Variants in KCTD10 observed in about 807,000 individuals in gnomAD.
KCTD10 encodes the protein potassium channel tetramerization domain containing 10, also known as BTB/POZ domain-containing adapter for CUL3-mediated RhoA degradation protein 3.
KCTD10 carries 13 observed loss-of-function variants against 34.6 expected under a neutral mutation model. That is an observed-to-expected ratio of 0.38 (90% confidence interval 0.24 to 0.60). The LOEUF (loss-of-function observed/expected upper bound fraction) is 0.60, where lower values mean the gene tolerates loss of function less well. Among genes scored for constraint, KCTD10 ranks in the 20% least tolerant of loss-of-function variants. The pLI is 0.66. For synonymous variants in KCTD10, 156 were observed against 168.8 expected, an observed-to-expected ratio of 0.92 and a Z score of 0.59; for missense variants, 256 against 420.3, an observed-to-expected ratio of 0.61 and a Z score of 3.42.
chr12:109,469,821 T>C, intron 1 of KCTD10, 93 bp from the exon 2 acceptor site: 1 of 1,549,472 alleles, frequency 6.5e-7, no homozygotes, highest in South Asian at 1.2e-5. Flanking sequence ...GTGTTTTGCT[T>C]GGGCCACGCA....
Position 109,463,594 on chromosome 12 carries a change from C to T in KCTD10, c.218-2789G>A, listed in dbSNP as rs574292105. Among the ~76,000 whole-genome samples the T allele has an allele frequency of 3.9e-5, 6 of 152,268 alleles. No individual in the cohort carries two copies. The South Asian group carries it at 6.2e-4, about 16-fold the overall frequency. On this transcript the variant is annotated intron_variant, in intron 2 of 6. Transcript: ENST00000228495. ...AGTCAGGGCAGCCTGGGATCCCAGA[C>T]CCATTAGGCAAGGCTGGAGAGCAGA...
intron 6 of KCTD10, among the ~76,000 whole-genome samples, chr12:109,454,361 A>G (rs1872919329): frequency 6.6e-6 from 1 of 152,210 alleles, no homozygotes; most frequent in Non-Finnish European, 1.5e-5. Context: ...GACAAATACA[A>G]TAACCAACAA....
chr12:109,457,548 G>A (rs545012788), intron 5 of KCTD10, 82 bp downstream of exon 5: 118 of 1,186,442 alleles, frequency 9.9e-5, no homozygotes, highest in Non-Finnish European at 1.4e-4. Context: ...TCATCTGAAG[G>A]TACGAAGAAG....
chr12:109,460,885 G>T lies in KCTD10; in HGVS notation c.218-80C>A. 4 of 1,392,108 alleles carry T rather than the reference G, an allele frequency of 2.9e-6. No individual in the cohort carries two copies. Among genetic ancestry groups the T allele is most frequent in the Non-Finnish European group, 4.0e-6 (4 of 1,005,320 alleles). The allele number at this position is 1,392,108 out of a possible 1,614,324, so 86.2% of individuals were successfully genotyped here. A position where few individuals can be genotyped will look rare whatever the true frequency, so the allele number is the denominator to read the frequency against. On this transcript the variant is annotated intron_variant, in intron 2 of 6. Coordinates refer to ENST00000228495, the MANE Select transcript of KCTD10 (RefSeq NM_031954.5). The surrounding 1 kb of genome is among the most constrained non-coding windows in gnomAD (Gnocchi z 4.5). ...CCTGAGCAGAGCTGGGGTGTCTCTC[G>T]GCTCCCTCTACCTCCCAGCGGAGAG...
intron 2 of KCTD10, among the ~76,000 whole-genome samples, chr12:109,462,326 G>A (rs540243508): frequency 3.3e-5 from 5 of 152,316 alleles, no homozygotes; most frequent in African/African-American, 1.2e-4. Flanking sequence ...ACCCTCCAGC[G>A]GCTTCCACTT....
chr12:109,472,753 T>C (rs1873949947), intron 1 of KCTD10, among the ~76,000 whole-genome samples: 1 of 152,204 alleles, frequency 6.6e-6, no homozygotes, highest in East Asian at 1.9e-4. Flanking sequence ...GCTACAGGAA[T>C]TTTTCAGTTC....
chr12:109,448,680 T>A lies in KCTD10; in HGVS notation c.*2915A>T, dbSNP rs1008804981. Reference sequence around the variant, plus strand: ...AGCATTTTATGACTTTTATTTTACATGTCGCCAACGTTTGTACAACATACA... The same window carrying A: ...AGCATTTTATGACTTTTATTTTACAAGTCGCCAACGTTTGTACAACATACA... On this transcript the variant is annotated 3_prime_UTR_variant, in exon 7 of 7. Coordinates refer to ENST00000228495, the MANE Select transcript of KCTD10 (RefSeq NM_031954.5). 1.3e-5 allele frequency: 2 copies of A among 152,286 alleles called. No individual in the cohort carries two copies. Among genetic ancestry groups the A allele is most frequent in the African/African-American group, 4.8e-5 (2 of 41,478 alleles). 9.4% of individuals were successfully genotyped at this position (152,286 alleles called of 1,614,324 possible). A position where few individuals can be genotyped will look rare whatever the true frequency, so the allele number is the denominator to read the frequency against.
chr12:109,468,370 TCACCCACCCTCC>T (rs1873695990), intron 2 of KCTD10, among the ~76,000 whole-genome samples: 2 of 151,980 alleles, frequency 1.3e-5, no homozygotes, highest in Admixed American at 1.3e-4. Context: ...ATGTGAAAAC[TCACCCACCCTCC>T]CAAGTCAATG....
chr12:109,453,890 C>A (rs1470499471), intron 6 of KCTD10, among the ~76,000 whole-genome samples: 1 of 152,162 alleles, frequency 6.6e-6, no homozygotes, highest in Non-Finnish European at 1.5e-5. Context: ...CTGAATGCTG[C>A]AAGAGATACT....
At chr12:109,464,789 G>A (rs766427546) in intron 2 of KCTD10, 22 of 455,176 alleles carry the variant, frequency 4.8e-5, no homozygotes, top group Non-Finnish European at 8.8e-5. Context: ...CACCAGATTT[G>A]CAATAATTAA....
chr12:109,467,202 G>A (rs1315312116), intron 2 of KCTD10, among the ~76,000 whole-genome samples: 4 of 152,222 alleles, frequency 2.6e-5, no homozygotes, highest in African/African-American at 4.8e-5. Flanking sequence ...GGGTTCAGCA[G>A]CTTCACCTTT....
In KCTD10 at chr12:109,460,718, C is replaced by T. The variant is rs138293973; in HGVS notation, c.305G>A (p.Arg102His). 1.3e-4 allele frequency: 203 copies of T among 1,614,160 alleles called. 1 individual carries two copies. In the African/African-American group the frequency reaches 2.4e-3, roughly 19 times the overall value. The change falls in exon 3 of 7, where the codon CGC becomes CAC. Residue 102 changes from arginine to histidine, a missense_variant. By Grantham distance (29) the Arg-to-His change is conservative (BLOSUM62 0). Around this residue, in one of 3 missense-constraint regions of KCTD10, gnomAD observed 155 missense variants for 207.0 expected, o/e 0.75. Transcript: ENST00000228495. This position sits in a 1 kb window ranked among gnomAD's most constrained non-coding sequence, Gnocchi z 4.5. ...RDGAVPLPES[R>H]REIEELLAEA... ...TGCTAGCAGCTCCTCGATCTCCCGG[C>T]GGCTCTCGGGTAAAGGCACCGCCCC...
intron 2 of KCTD10, among the ~76,000 whole-genome samples, chr12:109,465,744 T>C (rs967807500): frequency 2.4e-4 from 36 of 152,122 alleles, no homozygotes; most frequent in Admixed American, 7.9e-4. Context: ...CCAAAGAGCA[T>C]TGTCATGGAA....
At chr12:109,456,064 T>C in intron 6 of KCTD10, 54 bp downstream of exon 6, 1 of 1,547,728 alleles carries the variant, frequency 6.5e-7, no homozygotes, top group South Asian at 1.1e-5. Flanking sequence ...AAGGAAGTTC[T>C]ATAGGTGTGT....
chr12:109,460,494 A>G lies in KCTD10; in HGVS notation c.387+142T>C, dbSNP rs1873260408. On this transcript the variant is annotated intron_variant, in intron 3 of 6. Coordinates refer to ENST00000228495, the MANE Select transcript of KCTD10 (RefSeq NM_031954.5). This position sits in a 1 kb window ranked among gnomAD's most constrained non-coding sequence, Gnocchi z 4.5. ...CTCAGGGGTCACTCCAACCGAAGGA[A>G]TCGGGCTCCAGGGCAAACTCATTAA... 1 of 864,736 alleles carries G rather than the reference A, an allele frequency of 1.2e-6. No individual in the cohort carries two copies. Among genetic ancestry groups the G allele is most frequent in the Non-Finnish European group, 1.8e-6 (1 of 566,764 alleles). The allele number at this position is 864,736 out of a possible 1,614,324, so 53.6% of individuals were successfully genotyped here. A position where few individuals can be genotyped will look rare whatever the true frequency, so the allele number is the denominator to read the frequency against.
chr12:109,470,558 T>G (rs947700286), intron 1 of KCTD10: 1 of 985,424 alleles, frequency 1.0e-6, no homozygotes. Flanking sequence ...GGTAAAACTG[T>G]AGAGGTGGAG....
intron 1 of KCTD10, 41 bp from the exon 2 acceptor site, chr12:109,469,769 G>A (rs988200138): frequency 6.2e-7 from 1 of 1,607,302 alleles, no homozygotes; most frequent in Non-Finnish European, 8.5e-7. Context: ...ATCAGGCCTG[G>A]TTGACTGCTT....
intron 2 of KCTD10, among the ~76,000 whole-genome samples, chr12:109,464,004 C>T (rs1470485739): frequency 6.6e-6 from 1 of 152,154 alleles, no homozygotes; most frequent in Non-Finnish European, 1.5e-5. Flanking sequence ...GAAGGCTGCT[C>T]TGGGGGTCAG....
rs766383123 is a variant in KCTD10 at position 109,458,094 on chromosome 12, A to G, written c.388-16T>C. 6 of 1,608,748 alleles carry G rather than the reference A, an allele frequency of 3.7e-6. No homozygotes were observed. Among genetic ancestry groups the G allele is most frequent in the Admixed American group, 1.7e-5 (1 of 60,018 alleles). On this transcript the variant is annotated splice_polypyrimidine_tract_variant and intron_variant, in intron 3 of 6. Transcript: ENST00000228495. ...TATCTTTGTTCTGCTGGAACAAAACATGCTTTCAGCCTAGGAGGCCTGCCT... is the reference window on the plus strand; with the variant it reads ...TATCTTTGTTCTGCTGGAACAAAACGTGCTTTCAGCCTAGGAGGCCTGCCT...
Sources: allele counts gnomAD v4.1 joint callset (sites outside exome capture counted in the v4.1 genomes callset), GRCh38; gene constraint gnomAD v4.1.1; regional missense constraint gnomAD v4.1.1; non-coding constraint Gnocchi (gnomAD v3.1); transcripts MANE v1.5; gene names NCBI Gene and HGNC (gene_info 2026-07-23, HGNC 2026-07-21).